AGPAT4: variants seen among roughly 807,000 people sequenced by gnomAD.
The protein encoded by AGPAT4 is 1-acyl-sn-glycerol-3-phosphate acyltransferase delta.
A neutral mutation model predicts 48.0 loss-of-function variants in AGPAT4; 15 were observed. The ratio of observed to expected loss-of-function variants is 0.31; its 90% CI spans 0.21 to 0.48. AGPAT4 has a LOEUF of 0.48. Ranked by LOEUF, AGPAT4 falls within the 20% of genes least tolerant of loss-of-function variation. The pLI is 0.99. For synonymous variants in AGPAT4, 178 were observed against 198.7 expected (o/e 0.90, Z 0.88); for missense variants, 314 against 482.5 (o/e 0.65, Z 3.27).
chr6:161,168,710 G>C (rs1410462339), intron 2 of AGPAT4, among the ~76,000 whole-genome samples: 2 of 152,196 alleles, frequency 1.3e-5, no homozygotes, highest in African/African-American at 2.4e-5. Flanking sequence ...CACCCCTCCA[G>C]CTTACTGTCC....
chr6:161,188,359 GCA>G (rs1331182326), intron 2 of AGPAT4, among the ~76,000 whole-genome samples: 2 of 152,050 alleles, frequency 1.3e-5, no homozygotes. Flanking sequence ...TGTATAAATT[GCA>G]CATTTTTCTA....
chr6:161,172,543 C>T (rs1367063184), intron 2 of AGPAT4, among the ~76,000 whole-genome samples: 2 of 152,208 alleles, frequency 1.3e-5, no homozygotes, highest in Admixed American at 6.5e-5. Flanking sequence ...ACAGAAAGGC[C>T]ACAGGACAGA....
chr6:161,175,109 C>CT (rs955999516), intron 2 of AGPAT4, among the ~76,000 whole-genome samples: 2 of 152,208 alleles, frequency 1.3e-5, no homozygotes, highest in South Asian at 4.1e-4. Flanking sequence ...CTAAAATTCT[C>CT]TTTTTTTGTT....
chr6:161,146,540 T>C lies in AGPAT4; in HGVS notation c.827A>G (p.Lys276Arg), dbSNP rs749830897. Residue 276 changes from lysine (K) to arginine (R), a missense_variant, in exon 7 of 9, where the codon AAG becomes AGG. By Grantham distance (26) the Lys-to-Arg change is conservative. Transcript: ENST00000320285. The surrounding 1 kb of genome is among the most constrained non-coding windows in gnomAD (Gnocchi z 7.1). ...TGCACTGACCTTCTCCTGGTAGAGC[T>C]TGTGCAGCCAGGCCGAGCACTCGTC... ...DDDECSAWLH[K>R]LYQEKDAFQE... 7 of 1,613,924 alleles carry C rather than the reference T, an allele frequency of 4.3e-6. No individual in the cohort carries two copies. The South Asian group carries it at 4.4e-5, about 10-fold the overall frequency.
At chr6:161,170,125 C>T (rs970711021) in intron 2 of AGPAT4, among the ~76,000 whole-genome samples, 23 of 152,238 alleles carry the variant, frequency 1.5e-4, no homozygotes, top group African/African-American at 5.3e-4. Context: ...ATGAGGCTCC[C>T]GCTTGTGCTT....
chr6:161,153,994 T>A, intron 4 of AGPAT4, 155 bp downstream of exon 4: 1 of 988,602 alleles, frequency 1.0e-6, no homozygotes, highest in South Asian at 1.5e-5. Context: ...CATGGTCACA[T>A]ACATCCCTGA....
chr6:161,132,768 CATT>C lies in AGPAT4; in HGVS notation c.*3769_*3771del, dbSNP rs1778942471. On this transcript the variant is annotated 3_prime_UTR_variant, in exon 9 of 9. Transcript: ENST00000320285. ...TCGTGAGACACAGGTGTGGTGGAGG[CATT>C]ATGAGGGGACTACTCCACAGGACCT... is the stretch of plus-strand genomic sequence containing the variant. 1 of 152,312 alleles carries C rather than the reference CATT, an allele frequency of 6.6e-6. No individual in the cohort carries two copies. Among genetic ancestry groups the C allele is most frequent in the African/African-American group, 2.4e-5 (1 of 41,558 alleles). 9.4% of individuals were successfully genotyped at this position (152,312 alleles called of 1,614,324 possible). A position where few individuals can be genotyped will look rare whatever the true frequency, so the allele number is the denominator to read the frequency against.
intron 2 of AGPAT4, among the ~76,000 whole-genome samples, chr6:161,176,568 C>A (rs1184450852): frequency 3.9e-5 from 6 of 152,148 alleles, no homozygotes; most frequent in Admixed American, 3.3e-4. Context: ...GAATACAGCA[C>A]ACTGATGGGT....
At chr6:161,227,607 C>A (rs1044127612) in intron 2 of AGPAT4, among the ~76,000 whole-genome samples, 13 of 152,228 alleles carry the variant, frequency 8.5e-5, no homozygotes, top group African/African-American at 2.9e-4. Flanking sequence ...GACCTGTTAC[C>A]AGGCCCTGAT....
Position 161,143,316 on chromosome 6 carries a change from C to T in AGPAT4, c.843+3208G>A, listed in dbSNP as rs992949777. The stretch of plus-strand genomic sequence containing the variant: ...TCTCAAACCCCTGGCCTCAAGTGAT[C>T]CTCCAGCCTCAGCCTCCCAAAGTGC... On this transcript the variant is annotated intron_variant, in intron 7 of 8. Coordinates refer to ENST00000320285, the MANE Select transcript of AGPAT4 (RefSeq NM_020133.3). This position sits in a 1 kb window ranked among gnomAD's most constrained non-coding sequence, Gnocchi z 4.7. Among the ~76,000 whole-genome samples the T allele has an allele frequency of 2.0e-5, 3 of 152,202 alleles. No homozygotes were observed. The highest frequency in any genetic ancestry group is 7.2e-5 in the African/African-American group (3 of 41,460).
chr6:161,265,686 C>G (rs1783239696), intron 1 of AGPAT4, among the ~76,000 whole-genome samples: 1 of 152,066 alleles, frequency 6.6e-6, no homozygotes, highest in African/African-American at 2.4e-5. Context: ...AGGAGGCTCC[C>G]TTAGCTGGTG....
chr6:161,260,648 T>A (rs1442990891), intron 1 of AGPAT4, among the ~76,000 whole-genome samples: 2 of 88,290 alleles, frequency 2.3e-5, no homozygotes, highest in Non-Finnish European at 3.9e-5. Flanking sequence ...AAAAGGAGAC[T>A]ACGTCTCAAA....
Position 161,145,031 on chromosome 6 carries a change from G to C in AGPAT4, c.843+1493C>G, listed in dbSNP as rs1779378002. ...ATTTTATATGCTGCCTCAATGCTTA[G>C]ACCAGAAAACAGAGCAAGAAAAATA... is the stretch of plus-strand genomic sequence containing the variant. On this transcript the variant is annotated intron_variant, in intron 7 of 8. Coordinates refer to ENST00000320285, the MANE Select transcript of AGPAT4 (RefSeq NM_020133.3). Among the ~76,000 whole-genome samples the C allele has an allele frequency of 3.3e-5, 5 of 151,496 alleles. No homozygotes were observed. The South Asian group carries it at 1.0e-3, about 32-fold the overall frequency.
intron 2 of AGPAT4, among the ~76,000 whole-genome samples, chr6:161,207,425 GGCCAT>G (rs1478916736): frequency 6.6e-6 from 1 of 152,088 alleles, no homozygotes; most frequent in Non-Finnish European, 1.5e-5. Context: ...CAGCACGCTG[GGCCAT>G]GCTGTGAAGA....
intron 2 of AGPAT4, among the ~76,000 whole-genome samples, chr6:161,167,370 T>G (rs1391624152): frequency 6.6e-6 from 1 of 152,050 alleles, no homozygotes; most frequent in Admixed American, 6.5e-5. Flanking sequence ...GGACTACAGG[T>G]GTGCACCACC....
At chr6:161,252,173 A>C (rs1782822014) in intron 1 of AGPAT4, among the ~76,000 whole-genome samples, 1 of 152,182 alleles carries the variant, frequency 6.6e-6, no homozygotes, top group African/African-American at 2.4e-5. Flanking sequence ...TCCTTTGACA[A>C]AACTACGGCC....
chr6:161,156,756 G>A (rs1261031262), intron 3 of AGPAT4, among the ~76,000 whole-genome samples: 1 of 152,258 alleles, frequency 6.6e-6, no homozygotes. Flanking sequence ...CTGGAAGGTT[G>A]TGGGTTTACC....
intron 8 of AGPAT4, among the ~76,000 whole-genome samples, chr6:161,136,842 T>G (rs979891458): frequency 6.6e-6 from 1 of 152,172 alleles, no homozygotes; most frequent in Non-Finnish European, 1.5e-5. Flanking sequence ...GCAAGGCTGC[T>G]CTGGTGGGGG....
intron 1 of AGPAT4, among the ~76,000 whole-genome samples, chr6:161,250,217 G>A (rs1782769504): frequency 6.6e-6 from 1 of 152,130 alleles, no homozygotes; most frequent in Non-Finnish European, 1.5e-5. Flanking sequence ...AGTAGGGAGA[G>A]GATCAGGAAA....
Sources: gnomAD v4.1 joint callset for allele counts (sites outside exome capture counted in the v4.1 genomes callset) on GRCh38, gnomAD v4.1.1 for gene constraint, Gnocchi (gnomAD v3.1) non-coding constraint, MANE v1.5 for transcripts, NCBI Gene and HGNC (gene_info 2026-07-23, HGNC 2026-07-21) for gene names.